Variants in KHDRBS2 observed in about 807,000 individuals in gnomAD.
KHDRBS2 encodes the protein KH domain-containing, RNA-binding, signal transduction-associated protein 2.
A neutral mutation model predicts 44.3 loss-of-function variants in KHDRBS2; 26 were observed. The observed-to-expected ratio is 0.59, with a 90% CI of 0.43 to 0.81. The LOEUF is 0.81. KHDRBS2 is among the 40% of genes least tolerant of loss of function. The pLI is 0.00. For missense variants in KHDRBS2, 476 were observed against 433.1 expected (o/e 1.10, Z -0.88); for synonymous variants, 194 against 151.1 (o/e 1.28, Z -2.08).
intron 2 of KHDRBS2, among the ~76,000 whole-genome samples, chr6:62,113,286 C>T (rs1805451532): frequency 1.3e-5 from 2 of 152,020 alleles, no homozygotes; most frequent in African/African-American, 2.4e-5. Context: ...CTCAGGCAAC[C>T]AAGATCTAAA....
chr6:62,213,339 C>T (rs1302062123), intron 1 of KHDRBS2, among the ~76,000 whole-genome samples: 1 of 151,278 alleles, frequency 6.6e-6, no homozygotes, highest in Non-Finnish European at 1.5e-5. Context: ...AGTTGCATAG[C>T]GCAGAATATG....
the KHDRBS2 span, among the ~76,000 whole-genome samples, chr6:61,609,181 A>G: frequency 6.6e-6 from 1 of 152,142 alleles, no homozygotes; most frequent in South Asian, 2.1e-4. Flanking sequence ...AACATGGTGA[A>G]ACCCCATTTC....
At chr6:62,169,047 A>G (rs1391604156) in intron 2 of KHDRBS2, among the ~76,000 whole-genome samples, 2 of 140,758 alleles carry the variant, frequency 1.4e-5, no homozygotes, top group African/African-American at 2.6e-5. Context: ...ATATATATAT[A>G]TATATATATA....
At chr6:61,718,918 C>T (rs1771892198) in intron 7 of KHDRBS2, among the ~76,000 whole-genome samples, 2 of 152,114 alleles carry the variant, frequency 1.3e-5, no homozygotes, top group African/African-American at 4.8e-5. Flanking sequence ...TGTTTCAGCC[C>T]TGATAACTAC....
chr6:61,897,930 G>T (rs1803228753), intron 5 of KHDRBS2, among the ~76,000 whole-genome samples: 1 of 152,098 alleles, frequency 6.6e-6, no homozygotes, highest in Non-Finnish European at 1.5e-5. Context: ...ATATAGTGGT[G>T]ATGTGTGTTA....
At chr6:62,213,390 CT>C (rs1829422627) in intron 1 of KHDRBS2, among the ~76,000 whole-genome samples, 1 of 151,948 alleles carries the variant, frequency 6.6e-6, no homozygotes, top group Non-Finnish European at 1.5e-5. Context: ...GGATCCCCAC[CT>C]CTTTTAGGGA....
intron 2 of KHDRBS2, among the ~76,000 whole-genome samples, chr6:62,072,962 A>C (rs534216055): frequency 6.6e-6 from 1 of 152,100 alleles, no homozygotes; most frequent in East Asian, 1.9e-4. Flanking sequence ...CTGTGAATCC[A>C]TCTGGTCCTG....
At chr6:62,131,741 T>C (rs1360966256) in intron 2 of KHDRBS2, among the ~76,000 whole-genome samples, 1 of 152,164 alleles carries the variant, frequency 6.6e-6, no homozygotes, top group African/African-American at 2.4e-5. Context: ...CACATGTATA[T>C]CAGTCTCCCA....
chr6:62,053,051 CA>C (rs1254838146), intron 2 of KHDRBS2, among the ~76,000 whole-genome samples: 2 of 152,032 alleles, frequency 1.3e-5, no homozygotes, highest in Non-Finnish European at 2.9e-5. Context: ...CAGTTTGCTT[CA>C]CTACAGTAAA....
At chr6:61,689,113 G>A (rs564171175) in intron 8 of KHDRBS2, among the ~76,000 whole-genome samples, 2 of 151,930 alleles carry the variant, frequency 1.3e-5, no homozygotes, top group East Asian at 3.9e-4. Flanking sequence ...AGACTCCTGT[G>A]AGCTTCCCTG....
chr6:62,095,915 C>A (rs1009121431), intron 2 of KHDRBS2, among the ~76,000 whole-genome samples: 1 of 151,712 alleles, frequency 6.6e-6, no homozygotes, highest in African/African-American at 2.4e-5. Context: ...TTGTTGAAAG[C>A]GTCTATCATA....
chr6:61,543,545 T>TA, the KHDRBS2 span, among the ~76,000 whole-genome samples: 1 of 151,944 alleles, frequency 6.6e-6, no homozygotes, highest in African/African-American at 2.4e-5. Flanking sequence ...GAAGGCTCCT[T>TA]AAAAAAACTA....
chr6:62,231,555 C>A (rs1832904108), intron 1 of KHDRBS2, among the ~76,000 whole-genome samples: 1 of 152,068 alleles, frequency 6.6e-6, no homozygotes, highest in Admixed American at 6.6e-5. Context: ...TGGGGACACA[C>A]AAGAGCCAAA....
intron 2 of KHDRBS2, among the ~76,000 whole-genome samples, chr6:62,097,472 C>A (rs1245468011): frequency 6.6e-6 from 1 of 151,896 alleles, no homozygotes; most frequent in East Asian, 1.9e-4. Flanking sequence ...ACCCCTTTAT[C>A]TTTGTAGAAT....
the KHDRBS2 span, chr6:61,630,485 T>C: frequency 6.6e-6 from 1 of 152,184 alleles, no homozygotes; most frequent in Non-Finnish European, 1.5e-5. Flanking sequence ...AACAGGATTG[T>C]ATTTGGAGGA....
intron 7 of KHDRBS2, among the ~76,000 whole-genome samples, chr6:61,712,286 G>A (rs1770636914): frequency 6.6e-6 from 1 of 151,780 alleles, no homozygotes; most frequent in Non-Finnish European, 1.5e-5. Context: ...AGTAGGGAGG[G>A]GTGAAGAACT....
At chr6:61,557,379 G>A in the KHDRBS2 span, among the ~76,000 whole-genome samples, 2 of 152,090 alleles carry the variant, frequency 1.3e-5, no homozygotes, top group African/African-American at 4.8e-5. Context: ...AATACAGATA[G>A]AATATATATA....
chr6:61,773,513 T>A (rs967717231), intron 6 of KHDRBS2, among the ~76,000 whole-genome samples: 27 of 151,562 alleles, frequency 1.8e-4, no homozygotes, highest in Admixed American at 1.7e-3. Context: ...TGTAAATTTG[T>A]TTTGAGTTCA....
rs200617280 is a variant in KHDRBS2 at position 62,037,468 on chromosome 6, GA to G, written c.336+10409del. 3.7e-3 allele frequency among the ~76,000 whole-genome samples: 538 copies of G among 146,950 alleles called. 3 individuals are homozygous for G. The highest frequency in any genetic ancestry group is 0.012 in the African/African-American group (499 of 40,042). ...ATTATTTAGCTTAAAATTTTTAGGC[GA>G]AAAAAAAAGAAAATGAAGACTGGGA... is the stretch of plus-strand genomic sequence containing the variant. On this transcript the variant is annotated intron_variant, in intron 3 of 8. Transcript: ENST00000281156.
Sources: allele counts gnomAD v4.1 joint callset (sites outside exome capture counted in the v4.1 genomes callset), GRCh38; gene constraint gnomAD v4.1.1; transcripts MANE v1.5; gene names NCBI Gene and HGNC (gene_info 2026-07-23, HGNC 2026-07-21).